Variants in FBXO10 observed in about 807,000 individuals in gnomAD.
FBXO10 encodes F-box protein 10.
FBXO10 carries 39 observed loss-of-function variants against 80.7 expected under a neutral mutation model. That is an observed-to-expected ratio of 0.48 (90% CI 0.37 to 0.63). The LOEUF (loss-of-function observed/expected upper bound fraction) is 0.63, where lower values mean the gene tolerates loss of function less well. FBXO10 is among the 30% of genes least tolerant of loss of function. FBXO10 has a pLI of 0.00. For synonymous variants in FBXO10, 449 were observed against 489.6 expected (o/e 0.92, Z 1.09); for missense variants, 1,025 against 1,269.0 (o/e 0.81, Z 2.92).
At chr9:37,549,603 CT>C (rs1822140742) in intron 1 of FBXO10, among the ~76,000 whole-genome samples, 1 of 152,194 alleles carries the variant, frequency 6.6e-6, no homozygotes, top group African/African-American at 2.4e-5. Flanking sequence ...CTTGATAGGT[CT>C]TTTGATTCTC....
At chr9:37,570,108 G>A (rs1213983077) in intron 1 of FBXO10, among the ~76,000 whole-genome samples, 10 of 152,258 alleles carry the variant, frequency 6.6e-5, no homozygotes, top group African/African-American at 2.4e-4. Flanking sequence ...TAAGGAGTTC[G>A]AGACCCGCCT....
At chr9:37,559,163 T>C (rs935686310) in intron 1 of FBXO10, among the ~76,000 whole-genome samples, 2 of 152,226 alleles carry the variant, frequency 1.3e-5, no homozygotes, top group African/African-American at 4.8e-5. Context: ...GCAGTGATTC[T>C]TTAATCGTGG....
chr9:37,547,655 A>G (rs1299510649), intron 1 of FBXO10, among the ~76,000 whole-genome samples: 1 of 152,134 alleles, frequency 6.6e-6, no homozygotes, highest in East Asian at 1.9e-4. Context: ...GTCTATGGTG[A>G]TAAAAATCAA....
At chr9:37,527,600 T>C (rs1049049676) in intron 5 of FBXO10, among the ~76,000 whole-genome samples, 3 of 152,222 alleles carry the variant, frequency 2.0e-5, no homozygotes, top group Non-Finnish European at 4.4e-5. Flanking sequence ...CTGAGTTCCT[T>C]GGTCAGTCTG....
chr9:37,546,225 C>T (rs1822052505), intron 1 of FBXO10, among the ~76,000 whole-genome samples: 1 of 151,880 alleles, frequency 6.6e-6, no homozygotes, highest in Admixed American at 6.6e-5. Flanking sequence ...CATTCTGAGG[C>T]ACTTTCTTAC....
intron 1 of FBXO10, among the ~76,000 whole-genome samples, chr9:37,544,126 G>A (rs751366802): frequency 4.6e-5 from 7 of 152,190 alleles, no homozygotes; most frequent in African/African-American, 1.2e-4. Flanking sequence ...AAAATTAGCC[G>A]GGTTTGGGGG....
At chr9:37,572,513 C>A (rs572637059) in intron 1 of FBXO10, among the ~76,000 whole-genome samples, 1 of 152,264 alleles carries the variant, frequency 6.6e-6, no homozygotes, top group Admixed American at 6.5e-5. Context: ...GAGGCCGCCA[C>A]GTGGATGCAT....
chr9:37,548,584 A>C (rs1377005403), intron 1 of FBXO10, among the ~76,000 whole-genome samples: 1 of 152,092 alleles, frequency 6.6e-6, no homozygotes, highest in Non-Finnish European at 1.5e-5. Context: ...TCAGAACTAG[A>C]GAAACCTCCT....
At chr9:37,531,849 C>T in intron 4 of FBXO10, 60 bp downstream of exon 4, 1 of 1,590,520 alleles carries the variant, frequency 6.3e-7, no homozygotes, top group South Asian at 1.1e-5. Context: ...ATTTAAATAT[C>T]CTCACAAATG....
intron 5 of FBXO10, among the ~76,000 whole-genome samples, chr9:37,527,267 A>G (rs1821501165): frequency 6.6e-6 from 1 of 152,126 alleles, no homozygotes; most frequent in Non-Finnish European, 1.5e-5. Flanking sequence ...CCTTCACTCA[A>G]TCAAATCTGC....
chr9:37,525,046 G>A, intron 6 of FBXO10, 56 bp downstream of exon 6: 1 of 1,459,708 alleles, frequency 6.9e-7, no homozygotes, highest in South Asian at 1.2e-5. Flanking sequence ...AAGCTGGGGG[G>A]TGACGCCAGG....
intron 1 of FBXO10, among the ~76,000 whole-genome samples, chr9:37,553,826 G>C (rs1008968227): frequency 1.4e-5 from 2 of 143,120 alleles, no homozygotes; most frequent in African/African-American, 5.2e-5. Context: ...TGAGGCAGGA[G>C]AATCGCTTGA....
intron 1 of FBXO10, among the ~76,000 whole-genome samples, chr9:37,548,729 GT>G (rs1822118912): frequency 6.6e-6 from 1 of 151,876 alleles, no homozygotes; most frequent in African/African-American, 2.4e-5. Flanking sequence ...TACTTCTTTG[GT>G]TTGGATTACT....
chr9:37,535,530 T>C (rs1162108620), intron 3 of FBXO10, among the ~76,000 whole-genome samples: 1 of 151,982 alleles, frequency 6.6e-6, no homozygotes, highest in African/African-American at 2.4e-5. Context: ...TTTTTTTTAT[T>C]TTATTTTAGT....
chr9:37,512,595 C>A lies in FBXO10; in HGVS notation c.2823G>T (p.Val941=). The A allele has an allele frequency of 1.9e-6, 3 of 1,614,050 alleles. No individual in the cohort carries two copies. Among genetic ancestry groups the A allele is most frequent in the Non-Finnish European group, 2.5e-6 (3 of 1,179,900 alleles). The change falls in exon 11 of 11, where the codon GTG becomes GTT. Residue 941 remains valine, a synonymous_variant. Coordinates refer to ENST00000432825, the MANE Select transcript of FBXO10 (RefSeq NM_012166.3). ...TGCGGTTGCTGTGGTAACCACCTTC[C>A]ACCCGGGCTGTGATCCTCGTTGCCA... The part of the protein sequence containing the change: ...TAMATRITAR[V]EGGYHSNRSV...
intron 5 of FBXO10, 30 bp from the exon 6 acceptor site, chr9:37,525,202 G>A: frequency 6.5e-7 from 1 of 1,546,820 alleles, no homozygotes; most frequent in South Asian, 1.2e-5. Context: ...AAACAAAGAG[G>A]TGAGCCCAGG....
intron 1 of FBXO10, among the ~76,000 whole-genome samples, chr9:37,572,449 A>T (rs2119207942): frequency 6.6e-6 from 1 of 152,332 alleles, no homozygotes; most frequent in African/African-American, 2.4e-5. Context: ...CAGGATGAAT[A>T]CATCTATTGT....
rs987850668 is a variant in FBXO10 at position 37,525,245 on chromosome 9, C to A, written c.1707-73G>T. 2.2e-6 allele frequency: 3 copies of A among 1,378,574 alleles called. No homozygotes were observed. In the African/African-American group the frequency reaches 4.3e-5, roughly 20 times the overall value. 85.4% of individuals were successfully genotyped at this position (1,378,574 alleles called of 1,614,324 possible). ...TGTCATGCTTCCAGGAGACTGCCTT[C>A]TTTCATGGAAACCCTGTCTCTACAA... On this transcript the variant is annotated intron_variant, in intron 5 of 10. Coordinates refer to ENST00000432825, the MANE Select transcript of FBXO10 (RefSeq NM_012166.3).
intron 3 of FBXO10, among the ~76,000 whole-genome samples, chr9:37,533,378 T>C (rs1253648886): frequency 6.7e-5 from 10 of 150,196 alleles, no homozygotes; most frequent in Non-Finnish European, 1.5e-4. Flanking sequence ...AAGCCTCGTT[T>C]CTACTAAAAA....
Sources: allele counts gnomAD v4.1 joint callset (sites outside exome capture counted in the v4.1 genomes callset), GRCh38; gene constraint gnomAD v4.1.1; transcripts MANE v1.5; gene names NCBI Gene and HGNC (gene_info 2026-07-23, HGNC 2026-07-21).